The following MADD variants were observed in gnomAD, a reference collection of about 807,000 sequenced individuals.
MADD encodes MAP kinase-activating death domain protein.
Under a neutral mutation model 176.7 loss-of-function variants are expected in MADD, and 109 were observed. That is an observed-to-expected ratio of 0.62 (90% CI 0.53 to 0.72). MADD has a LOEUF of 0.72. Ranked by LOEUF, MADD falls within the 30% of genes least tolerant of loss-of-function variation. The probability of loss-of-function intolerance (pLI) is 0.00; values close to 1 mark genes in which losing one functional copy is unlikely to be tolerated. For synonymous variants in MADD, 771 were observed against 771.3 expected, an observed-to-expected ratio of 1.00 and a Z score of 0.01; for missense variants, 1,914 against 2,045.5, an observed-to-expected ratio of 0.94 and a Z score of 1.24.
intron 7 of MADD, among the ~76,000 whole-genome samples, chr11:47,279,948 G>A (rs147186415): frequency 9.3e-4 from 141 of 152,084 alleles, no homozygotes; most frequent in African/African-American, 3.2e-3. Context: ...GTGGACGCCC[G>A]TAGTCCAGCT....
At chr11:47,281,703 C>T (rs780346162) in exon 8 of MADD, 1 of 1,613,474 alleles carries the variant, frequency 6.2e-7, no homozygotes, top group Non-Finnish European at 8.5e-7. Context: ...CCACTGAATT[C>T]AACCCACTCA....
chr11:47,300,452 C>T (rs1247181874), intron 22 of MADD, among the ~76,000 whole-genome samples: 7 of 127,078 alleles, frequency 5.5e-5, no homozygotes, highest in African/African-American at 2.3e-4. Context: ...AGTGATCTAC[C>T]CCCCGCCCGC....
chr11:47,276,976 A>C lies in MADD; in HGVS notation c.1095+113A>C, dbSNP rs1289627025. 5 of 1,284,326 alleles carry C rather than the reference A, an allele frequency of 3.9e-6. No homozygotes were observed. In the Admixed American group the frequency reaches 1.1e-4, roughly 29 times the overall value. The allele number at this position is 1,284,326 out of a possible 1,614,324, so 79.6% of individuals were successfully genotyped here. A position where few individuals can be genotyped will look rare whatever the true frequency, so the allele number is the denominator to read the frequency against. ...GGTCCTCAATCCTTTGTCATAACTT[A>C]TTTGTCTACAAAATCTGACTGATTT... On this transcript the variant is annotated intron_variant, in intron 5 of 32. Transcript: ENST00000402192.
chr11:47,329,435 T>C (rs969447730), exon 33 of MADD: 3 of 424,584 alleles, frequency 7.1e-6, no homozygotes, highest in East Asian at 8.3e-5. Context: ...TTTGTGTCCT[T>C]GAGACATTTG....
exon 1 of MADD, chr11:47,270,172 G>C (rs1382138943): frequency 2.6e-5 from 4 of 152,126 alleles, no homozygotes; most frequent in African/African-American, 9.7e-5. Flanking sequence ...GAGCGGCGCC[G>C]CGCTGGGGAG....
rs578021647 is a variant in MADD, at chr11:47,288,842, A to G, written c.2654-549A>G. On this transcript the variant is annotated intron_variant, in intron 15 of 32. Coordinates refer to ENST00000402192, the Ensembl canonical transcript of MADD. ...GCTTCCAGCTCTGAGGTGCCCAAGA[A>G]CCAAGGTTATGTGCATTCCTCAAGC... 2.8e-5 allele frequency: 21 copies of G among 742,546 alleles called. No homozygotes were observed. The African/African-American group carries it at 3.1e-4, about 11-fold the overall frequency. The allele number at this position is 742,546 out of a possible 1,614,324, so 46.0% of individuals were successfully genotyped here.
intron 1 of MADD, among the ~76,000 whole-genome samples, chr11:47,273,339 CA>C (rs1392108786): frequency 5.6e-3 from 59 of 10,620 alleles, no homozygotes; most frequent in African/African-American, 0.018. Flanking sequence ...TATTTATCTA[CA>C]TTTTTTTTTT....
chr11:47,295,543 C>T (rs756724889), exon 21 of MADD: 3 of 1,614,094 alleles, frequency 1.9e-6, no homozygotes, highest in African/African-American at 1.3e-5. Context: ...CTGTTATGAT[C>T]CGCAGCTCAA....
intron 27 of MADD, among the ~76,000 whole-genome samples, chr11:47,320,758 C>CA (rs987432673): frequency 9.9e-5 from 15 of 151,870 alleles, no homozygotes; most frequent in East Asian, 7.8e-4. Flanking sequence ...CCCGTCTCCA[C>CA]AAAAAATTTT....
At chr11:47,290,768 G>A in exon 19 of MADD, 4 of 1,613,798 alleles carry the variant, frequency 2.5e-6, no homozygotes, top group Non-Finnish European at 3.4e-6. Context: ...GGGTCCTAAG[G>A]AACTGGACAC....
intron 20 of MADD, among the ~76,000 whole-genome samples, chr11:47,295,167 T>C (rs964606037): frequency 1.3e-5 from 2 of 151,976 alleles, no homozygotes; most frequent in African/African-American, 4.8e-5. Flanking sequence ...CCCACCACCA[T>C]GCCTGGCTAA....
chr11:47,269,271 C>G (rs1304317897), upstream of MADD: 1 of 152,988 alleles, frequency 6.5e-6, no homozygotes, highest in Non-Finnish European at 1.5e-5. Flanking sequence ...CTAACCCCCA[C>G]TGCGCCATAT....
At chr11:47,283,054 C>A in intron 10 of MADD, 85 bp downstream of exon 10, 1 of 1,205,602 alleles carries the variant, frequency 8.3e-7, no homozygotes, top group South Asian at 1.8e-5. Flanking sequence ...GGCAAAGTCT[C>A]ATAGGCTTCC....
At chr11:47,295,672 T>G in intron 21 of MADD, 93 bp downstream of exon 23, 1 of 1,587,886 alleles carries the variant, frequency 6.3e-7, no homozygotes, top group African/African-American at 1.3e-5. Context: ...CTGCTCTGAG[T>G]CTCAGGTCAG....
At chr11:47,291,449 C>T (rs931993072) in intron 19 of MADD, among the ~76,000 whole-genome samples, 2 of 152,172 alleles carry the variant, frequency 1.3e-5, no homozygotes, top group African/African-American at 2.4e-5. Flanking sequence ...GGCTCACTCC[C>T]TGCTTGACCT....
At chr11:47,309,331 T>C in exon 24 of MADD, 1 of 1,614,232 alleles carries the variant, frequency 6.2e-7, no homozygotes, top group Non-Finnish European at 8.5e-7. Context: ...GGAAGATGCC[T>C]TCTTAGATGC....
intron 20 of MADD, among the ~76,000 whole-genome samples, chr11:47,295,016 T>C (rs927674988): frequency 2.4e-5 from 3 of 123,864 alleles, no homozygotes; most frequent in African/African-American, 1.0e-4. Flanking sequence ...TTTGTTTTTT[T>C]GTTTTTTTTT....
At chr11:47,294,669 C>CAAAAAAA (rs58253961) in intron 20 of MADD, among the ~76,000 whole-genome samples, 5 of 55,998 alleles carry the variant, frequency 8.9e-5, no homozygotes, top group East Asian at 4.7e-4. Flanking sequence ...GACTCCGTCT[C>CAAAAAAA]AAAAAAAAAA....
At chr11:47,316,830 G>T (rs2093201380) in intron 27 of MADD, among the ~76,000 whole-genome samples, 1 of 151,748 alleles carries the variant, frequency 6.6e-6, no homozygotes, top group African/African-American at 2.4e-5. Context: ...TGCAACCTCT[G>T]CCCCTTGGGT....
Sources: gnomAD v4.1 joint callset for allele counts (sites outside exome capture counted in the v4.1 genomes callset) on GRCh38, gnomAD v4.1.1 for gene constraint, MANE v1.5 for transcripts, NCBI Gene and HGNC (gene_info 2026-07-23, HGNC 2026-07-21) for gene names.